CNTN4: variants seen among roughly 807,000 people sequenced by gnomAD.
CNTN4 encodes contactin 4.
A neutral mutation model predicts 122.5 loss-of-function variants in CNTN4; 77 were observed. The observed-to-expected ratio is 0.63, with a 90% CI of 0.52 to 0.76. The LOEUF is 0.76. Ranked by LOEUF, CNTN4 falls within the 30% of genes least tolerant of loss-of-function variation. The pLI is 0.00. For synonymous variants in CNTN4, 512 were observed against 447.0 expected, an observed-to-expected ratio of 1.15 and a Z score of -1.83; for missense variants, 1,256 against 1,259.1, an observed-to-expected ratio of 1.00 and a Z score of 0.04.
intron 2 of CNTN4, among the ~76,000 whole-genome samples, chr3:2,172,252 C>T (rs555145816): frequency 1.7e-4 from 26 of 152,178 alleles, no homozygotes; most frequent in African/African-American, 5.8e-4. Flanking sequence ...TCTTTTTCAG[C>T]AACTTAGATG....
At chr3:2,268,981 G>T (rs971375605) in intron 2 of CNTN4, among the ~76,000 whole-genome samples, 1 of 152,066 alleles carries the variant, frequency 6.6e-6, no homozygotes, top group Admixed American at 6.6e-5. Flanking sequence ...CCACAAGGTG[G>T]CAGGGAGTCC....
At chr3:2,377,210 G>A (rs147030340) in intron 3 of CNTN4, among the ~76,000 whole-genome samples, 51 of 151,580 alleles carry the variant, frequency 3.4e-4, no homozygotes, top group African/African-American at 1.0e-3. Context: ...CAAGTTTTTA[G>A]ATACCATATC....
chr3:2,187,943 G>A (rs926177646), intron 2 of CNTN4, among the ~76,000 whole-genome samples: 3 of 152,132 alleles, frequency 2.0e-5, no homozygotes, highest in Non-Finnish European at 4.4e-5. Context: ...ACCATGAGAA[G>A]TGCATCCTAC....
chr3:2,962,401 G>A (rs978810095), intron 13 of CNTN4, among the ~76,000 whole-genome samples: 1 of 152,210 alleles, frequency 6.6e-6, no homozygotes, highest in Non-Finnish European at 1.5e-5. Flanking sequence ...CAGGCTAAAT[G>A]TGTCAGCATT....
At chr3:2,185,938 TTTA>T (rs967128699) in intron 2 of CNTN4, among the ~76,000 whole-genome samples, 20 of 152,274 alleles carry the variant, frequency 1.3e-4, no homozygotes, top group African/African-American at 4.8e-4. Flanking sequence ...TTTTTAATTT[TTTA>T]TTATTATACT....
chr3:2,552,008 A>G (rs1237051713), intron 3 of CNTN4, among the ~76,000 whole-genome samples: 1 of 152,148 alleles, frequency 6.6e-6, no homozygotes, highest in African/African-American at 2.4e-5. Flanking sequence ...CTTTCTTTTC[A>G]TGAAAACAAA....
intron 3 of CNTN4, among the ~76,000 whole-genome samples, chr3:2,393,622 A>G (rs2046526249): frequency 6.6e-6 from 1 of 152,224 alleles, no homozygotes; most frequent in Non-Finnish European, 1.5e-5. Context: ...AAGTATAATA[A>G]TGAACATTTC....
At chr3:2,876,896 G>C (rs566827521) in intron 8 of CNTN4, among the ~76,000 whole-genome samples, 2 of 152,246 alleles carry the variant, frequency 1.3e-5, no homozygotes, top group South Asian at 2.1e-4. Context: ...GGAACTTCTT[G>C]CTTTTGCTCA....
intron 3 of CNTN4, among the ~76,000 whole-genome samples, chr3:2,544,569 A>T (rs568327254): frequency 6.6e-6 from 1 of 152,052 alleles, no homozygotes; most frequent in Non-Finnish European, 1.5e-5. Context: ...AACAAAGTAC[A>T]GTATTCAATT....
chr3:2,586,305 T>A (rs1194445489), intron 4 of CNTN4, among the ~76,000 whole-genome samples: 1 of 152,214 alleles, frequency 6.6e-6, no homozygotes, highest in African/African-American at 2.4e-5. Context: ...CATTTGTTTG[T>A]TTTTGAGACG....
chr3:2,526,874 C>T lies in CNTN4; in HGVS notation c.-88-44542C>T, dbSNP rs1173234249. 2.6e-5 allele frequency among the ~76,000 whole-genome samples: 4 copies of T among 152,116 alleles called. No homozygotes were observed. The East Asian group carries it at 5.8e-4, about 22-fold the overall frequency. On this transcript the variant is annotated intron_variant, in intron 3 of 24. Coordinates refer to ENST00000418658, the MANE Select transcript of CNTN4 (RefSeq NM_175607.3). ...TTTACTGGAGCTGCTAACAGAGCAG[C>T]ATATGTGCAATGAGAACCATCCTTG...
At chr3:2,255,842 G>T (rs188794365) in intron 2 of CNTN4, among the ~76,000 whole-genome samples, 17 of 152,256 alleles carry the variant, frequency 1.1e-4, no homozygotes, top group Admixed American at 1.1e-3. Context: ...AAACAGGAAA[G>T]ATCTAAAATT....
intron 3 of CNTN4, among the ~76,000 whole-genome samples, chr3:2,394,638 G>A (rs547264940): frequency 1.8e-4 from 27 of 152,196 alleles, no homozygotes; most frequent in Non-Finnish European, 3.2e-4. Flanking sequence ...ATAAATTGGT[G>A]CAATTACTTT....
chr3:2,578,692 C>G (rs1576074541), intron 4 of CNTN4, among the ~76,000 whole-genome samples: 1 of 152,128 alleles, frequency 6.6e-6, no homozygotes, highest in African/African-American at 2.4e-5. Context: ...TATTGTTTCT[C>G]TTTGTAAGAA....
chr3:2,462,285 C>T (rs1310705789), intron 3 of CNTN4, among the ~76,000 whole-genome samples: 2 of 152,106 alleles, frequency 1.3e-5, no homozygotes, highest in Non-Finnish European at 2.9e-5. Context: ...TGGAATGTTA[C>T]TGTTTAGTAT....
chr3:2,408,306 A>C (rs2047110290), intron 3 of CNTN4, among the ~76,000 whole-genome samples: 1 of 152,202 alleles, frequency 6.6e-6, no homozygotes, highest in African/African-American at 2.4e-5. Flanking sequence ...AACAGCAAGC[A>C]TGATGCTTTC....
intron 24 of CNTN4, among the ~76,000 whole-genome samples, chr3:3,055,553 T>A (rs1183737717): frequency 2.0e-5 from 3 of 152,120 alleles, no homozygotes; most frequent in African/African-American, 7.2e-5. Context: ...ATAAGAAAAT[T>A]TAAAAAAGGA....
At chr3:2,419,677 A>G (rs1234857930) in intron 3 of CNTN4, among the ~76,000 whole-genome samples, 1 of 152,190 alleles carries the variant, frequency 6.6e-6, no homozygotes, top group Non-Finnish European at 1.5e-5. Flanking sequence ...CAAACATAAC[A>G]TAGTGTCATG....
chr3:2,942,786 C>T (rs2094628940), intron 13 of CNTN4, among the ~76,000 whole-genome samples: 2 of 152,064 alleles, frequency 1.3e-5, no homozygotes, highest in Non-Finnish European at 2.9e-5. Context: ...TCTCAGAATC[C>T]TTAATATGTT....
Sources: allele counts gnomAD v4.1 joint callset (sites outside exome capture counted in the v4.1 genomes callset), GRCh38; gene constraint gnomAD v4.1.1; transcripts MANE v1.5; gene names NCBI Gene and HGNC (gene_info 2026-07-23, HGNC 2026-07-21).